Variants in TMTC2 observed in about 807,000 individuals in gnomAD.
TMTC2 encodes protein O-mannosyl-transferase TMTC2.
TMTC2 carries 43 observed loss-of-function variants against 82.4 expected under a neutral mutation model. That is an observed-to-expected ratio of 0.52 (90% confidence interval 0.41 to 0.67). The LOEUF (loss-of-function observed/expected upper bound fraction) is 0.67. TMTC2 is among the 30% of genes least tolerant of loss of function. The pLI, the probability that TMTC2 is intolerant of heterozygous loss-of-function variation, is 0.00. For missense variants in TMTC2, 919 were observed against 1,012.4 expected (o/e 0.91, Z 1.25); for synonymous variants, 408 against 381.9 (o/e 1.07, Z -0.80).
intron 9 of TMTC2, among the ~76,000 whole-genome samples, chr12:83,033,481 G>A (rs190176076): frequency 1.4e-3 from 208 of 152,220 alleles, no homozygotes; most frequent in African/African-American, 3.4e-3. Flanking sequence ...GTTCGGGCAC[G>A]GCGGCTCACG....
intron 4 of TMTC2, among the ~76,000 whole-genome samples, chr12:82,946,472 T>A (rs1342324164): frequency 1.3e-5 from 2 of 152,204 alleles, no homozygotes; most frequent in African/African-American, 4.8e-5. Flanking sequence ...TACCTAAGGA[T>A]GCCCTTTTTG....
intron 9 of TMTC2, among the ~76,000 whole-genome samples, chr12:83,042,259 C>T (rs1229974202): frequency 3.3e-5 from 5 of 152,130 alleles, no homozygotes; most frequent in East Asian, 1.9e-4. Context: ...CTCAGAGGAG[C>T]GGGCTCCTTT....
chr12:82,719,308 A>G (rs560505840), intron 1 of TMTC2, among the ~76,000 whole-genome samples: 4 of 151,568 alleles, frequency 2.6e-5, no homozygotes, highest in African/African-American at 7.3e-5. Flanking sequence ...TGGCCAGGCT[A>G]GTCTCTAACT....
intron 1 of TMTC2, among the ~76,000 whole-genome samples, chr12:82,804,369 G>A (rs1435503268): frequency 6.6e-6 from 1 of 152,068 alleles, no homozygotes; most frequent in Admixed American, 6.5e-5. Context: ...GACTTCCTCT[G>A]AAAATTTCTA....
chr12:83,070,101 T>C (rs1192014873), intron 11 of TMTC2, among the ~76,000 whole-genome samples: 1 of 152,194 alleles, frequency 6.6e-6, no homozygotes, highest in East Asian at 1.9e-4. Context: ...TAGAGTATAG[T>C]TTGAAATCAG....
chr12:82,986,089 C>T (rs868456342), intron 8 of TMTC2, 43 bp downstream of exon 8: 1 of 1,613,250 alleles, frequency 6.2e-7, no homozygotes, highest in Non-Finnish European at 8.5e-7. Context: ...TGGTTTTCTC[C>T]ATGCAGACCG....
intron 6 of TMTC2, 60 bp from the exon 7 acceptor site, chr12:82,966,859 T>G: frequency 8.1e-7 from 1 of 1,229,308 alleles, no homozygotes; most frequent in Non-Finnish European, 1.2e-6. Context: ...TATCTTATTT[T>G]CAGTGACGAT....
intron 4 of TMTC2, among the ~76,000 whole-genome samples, chr12:82,946,539 G>A (rs1192177319): frequency 6.6e-6 from 1 of 151,954 alleles, no homozygotes; most frequent in East Asian, 1.9e-4. Flanking sequence ...TGCACTTAGC[G>A]ACCCTATTGT....
intron 9 of TMTC2, among the ~76,000 whole-genome samples, chr12:83,042,406 C>T (rs960502330): frequency 3.3e-5 from 5 of 152,136 alleles, no homozygotes; most frequent in African/African-American, 1.2e-4. Flanking sequence ...TTGTATTCCT[C>T]GTCTAGTTGC....
intron 10 of TMTC2, among the ~76,000 whole-genome samples, chr12:83,053,733 T>C (rs1436408724): frequency 1.3e-5 from 2 of 152,072 alleles, no homozygotes; most frequent in South Asian, 4.1e-4. Context: ...AATAAGCTAA[T>C]ATAAAGTTTT....
intron 1 of TMTC2, among the ~76,000 whole-genome samples, chr12:82,787,007 C>T (rs1194276016): frequency 6.6e-6 from 1 of 152,002 alleles, no homozygotes; most frequent in Non-Finnish European, 1.5e-5. Flanking sequence ...TGTATGTAGC[C>T]CTCACACTAT....
intron 8 of TMTC2, among the ~76,000 whole-genome samples, chr12:83,005,365 G>A (rs1051500703): frequency 6.6e-6 from 1 of 150,408 alleles, no homozygotes; most frequent in Admixed American, 6.6e-5. Flanking sequence ...ATGGCTGGCC[G>A]ATTGGCTCCT....
intron 8 of TMTC2, among the ~76,000 whole-genome samples, chr12:83,017,504 G>A (rs1183171928): frequency 3.3e-5 from 5 of 151,990 alleles, no homozygotes; most frequent in Admixed American, 1.3e-4. Context: ...AACTGCTTTC[G>A]GAAGATAAAT....
At chr12:82,869,460 T>C (rs1192883037) in intron 2 of TMTC2, among the ~76,000 whole-genome samples, 7 of 152,250 alleles carry the variant, frequency 4.6e-5, no homozygotes, top group South Asian at 4.2e-4. Context: ...TTAAATATTA[T>C]AAAAATTTCA....
chr12:82,853,509 G>A (rs1871095602), intron 1 of TMTC2, among the ~76,000 whole-genome samples: 1 of 152,210 alleles, frequency 6.6e-6, no homozygotes, highest in Admixed American at 6.5e-5. Context: ...TCTCGTGGCT[G>A]CTGTAGGCTG....
At chr12:82,712,823 T>G (rs977089128) in intron 1 of TMTC2, among the ~76,000 whole-genome samples, 5 of 152,044 alleles carry the variant, frequency 3.3e-5, no homozygotes, top group Non-Finnish European at 5.9e-5. Context: ...AGAAATGATC[T>G]AACAGAGAAT....
At chr12:82,765,237 A>G (rs1395400034) in intron 1 of TMTC2, among the ~76,000 whole-genome samples, 1 of 152,128 alleles carries the variant, frequency 6.6e-6, no homozygotes, top group Non-Finnish European at 1.5e-5. Context: ...ATTTCCTTTC[A>G]TATTTCAAAG....
At chr12:82,780,634 A>G (rs1877853581) in intron 1 of TMTC2, among the ~76,000 whole-genome samples, 1 of 152,154 alleles carries the variant, frequency 6.6e-6, no homozygotes, top group Non-Finnish European at 1.5e-5. Flanking sequence ...TGCTTTAAAA[A>G]GTCTCTTCAT....
At chr12:83,074,347 G>T (rs557826216) in intron 11 of TMTC2, among the ~76,000 whole-genome samples, 1 of 152,142 alleles carries the variant, frequency 6.6e-6, no homozygotes, top group Non-Finnish European at 1.5e-5. Flanking sequence ...TCTCTCAGCC[G>T]TGGATACCAG....
Sources: allele counts gnomAD v4.1 joint callset (sites outside exome capture counted in the v4.1 genomes callset), GRCh38; gene constraint gnomAD v4.1.1; transcripts MANE v1.5; gene names NCBI Gene and HGNC (gene_info 2026-07-23, HGNC 2026-07-21).